The following CGGBP1 variants were observed in gnomAD, a reference collection of about 807,000 sequenced individuals.
CGGBP1 encodes the protein CGG triplet repeat-binding protein 1.
Under a neutral mutation model 11.4 loss-of-function variants are expected in CGGBP1, and 4 were observed. That is an observed-to-expected ratio of 0.35 (90% CI 0.17 to 0.80). The LOEUF is 0.80. CGGBP1 is among the 30% of genes least tolerant of loss of function. CGGBP1 has a pLI of 0.52. For missense variants in CGGBP1, 135 were observed against 202.1 expected, an observed-to-expected ratio of 0.67 and a Z score of 2.01; for synonymous variants, 76 against 74.1, an observed-to-expected ratio of 1.03 and a Z score of -0.13.
chr3:88,057,321 A>C (rs1279685223), intron 2 of CGGBP1, 29 bp from the exon 3 acceptor site: 1 of 140,038 alleles, frequency 7.1e-6, no homozygotes, highest in Admixed American at 7.8e-5. Context: ...TCTAGGTTTT[A>C]ATAAATTTTA....
At chr3:88,073,994 T>C (rs1024531244) in intron 2 of CGGBP1, among the ~76,000 whole-genome samples, 2 of 152,216 alleles carry the variant, frequency 1.3e-5, no homozygotes, top group African/African-American at 4.8e-5. Context: ...GATAGTGTTT[T>C]AGTTTAAAAT....
At chr3:88,111,122 G>A (rs2107759075) in intron 2 of CGGBP1, among the ~76,000 whole-genome samples, 1 of 152,138 alleles carries the variant, frequency 6.6e-6, no homozygotes, top group African/African-American at 2.4e-5. Flanking sequence ...AATGTCAAGA[G>A]TGGAGGTCCA....
intron 2 of CGGBP1, among the ~76,000 whole-genome samples, chr3:88,124,885 C>T (rs7625641): frequency 0.94 from 143,009 of 152,004 alleles, 67,792 homozygotes; most frequent in Non-Finnish European, 1. Context: ...GTTAATCTTT[C>T]TAAATTGTCA....
chr3:88,129,345 A>C (rs1363027914), intron 2 of CGGBP1, among the ~76,000 whole-genome samples: 1 of 149,902 alleles, frequency 6.7e-6, no homozygotes, highest in Non-Finnish European at 1.5e-5. Flanking sequence ...AAAAAAAAAA[A>C]CCCAAGAAGC....
chr3:88,108,683 A>G (rs1382719125), intron 2 of CGGBP1, among the ~76,000 whole-genome samples: 1 of 152,152 alleles, frequency 6.6e-6, no homozygotes, highest in Non-Finnish European at 1.5e-5. Context: ...ATCAACTATC[A>G]TGAGTATCAC....
intron 2 of CGGBP1, among the ~76,000 whole-genome samples, chr3:88,082,371 C>G (rs879255910): frequency 6.6e-6 from 1 of 152,164 alleles, no homozygotes; most frequent in Non-Finnish European, 1.5e-5. Context: ...GTGATCTGCC[C>G]GCCTTGGCCT....
chr3:88,113,561 T>A (rs562435149), intron 2 of CGGBP1, among the ~76,000 whole-genome samples: 1 of 152,254 alleles, frequency 6.6e-6, no homozygotes, highest in East Asian at 1.9e-4. Context: ...TTCTCTCTCA[T>A]AATAGCTTTC....
chr3:88,057,165 C>T (rs1237633512), intron 3 of CGGBP1, 26 bp downstream of exon 3: 2 of 152,052 alleles, frequency 1.3e-5, no homozygotes, highest in Admixed American at 6.5e-5. Context: ...TAATCAGAAA[C>T]GATGGAGTAT....
chr3:88,087,292 G>A (rs1203194995), intron 2 of CGGBP1, among the ~76,000 whole-genome samples: 6 of 151,966 alleles, frequency 3.9e-5, no homozygotes, highest in Non-Finnish European at 8.8e-5. Context: ...TGGCCAGGCT[G>A]GTCTTGAACT....
intron 2 of CGGBP1, among the ~76,000 whole-genome samples, chr3:88,065,481 C>T (rs985027371): frequency 2.7e-4 from 41 of 152,102 alleles, no homozygotes; most frequent in African/African-American, 9.6e-4. Context: ...TTTATTCATA[C>T]GAGAAACTGT....
intron 2 of CGGBP1, among the ~76,000 whole-genome samples, chr3:88,117,369 A>G (rs1705474133): frequency 6.6e-6 from 1 of 152,312 alleles, no homozygotes; most frequent in South Asian, 2.1e-4. Context: ...AAAATTCTCT[A>G]TAGTAACAAA....
intron 2 of CGGBP1, among the ~76,000 whole-genome samples, chr3:88,070,471 G>T (rs1707440954): frequency 6.8e-6 from 1 of 147,802 alleles, no homozygotes; most frequent in Non-Finnish European, 1.5e-5. Flanking sequence ...TTCAAAACTT[G>T]CCAAACAAAT....
chr3:88,077,263 GTGC>G lies in CGGBP1; in HGVS notation c.-228-19043_-228-19041del, dbSNP rs1576216740. ...TGTTTCACTCACCAATATAGGCAGT[GTGC>G]TTTCCATTTCTTTGCCCTGGCTTAT... On this transcript the variant is annotated intron_variant, in intron 2 of 3. Coordinates refer to the CGGBP1 transcript ENST00000462901. Among the ~76,000 whole-genome samples the G allele has an allele frequency of 2.6e-5, 4 of 151,810 alleles. No homozygotes were observed. In the South Asian group the frequency reaches 8.3e-4, roughly 31 times the overall value.
chr3:88,140,964 A>T (rs1707091893), intron 2 of CGGBP1: 2 of 1,613,356 alleles, frequency 1.2e-6, no homozygotes, highest in Non-Finnish European at 1.7e-6. Flanking sequence ...ATGCCTGACC[A>T]CCTACTGTAA....
chr3:88,129,066 CCA>C, intron 2 of CGGBP1: 1 of 1,250,096 alleles, frequency 8.0e-7, no homozygotes, highest in Non-Finnish European at 1.1e-6. Flanking sequence ...CAAAAAAAAA[CCA>C]AAAAAAAAAA....
In CGGBP1 at chr3:88,088,765, G is replaced by T. The variant is rs541485663; in HGVS notation, c.-228-30542C>A. ...TTATTTATGTATGTATGTATGTATG[G>T]ATGGATGGATGGATGGATGGATGGA... On this transcript the variant is annotated intron_variant, in intron 2 of 3. Coordinates refer to the CGGBP1 transcript ENST00000462901. 6.1e-3 allele frequency among the ~76,000 whole-genome samples: 917 copies of T among 149,560 alleles called. 7 individuals carry two copies. The highest frequency in any genetic ancestry group is 0.02 in the African/African-American group (817 of 40,424).
intron 2 of CGGBP1, among the ~76,000 whole-genome samples, chr3:88,071,172 G>C (rs1229823146): frequency 6.6e-6 from 1 of 152,114 alleles, no homozygotes; most frequent in Non-Finnish European, 1.5e-5. Context: ...CCCAATTCTT[G>C]ATTTTATTTA....
intron 2 of CGGBP1, among the ~76,000 whole-genome samples, chr3:88,079,659 G>A (rs116836836): frequency 0.018 from 2,779 of 151,994 alleles, 40 homozygotes; most frequent in Non-Finnish European, 0.03. Flanking sequence ...TGGTAGGTTG[G>A]ACTAGATAAT....
chr3:88,056,097 C>CA, intron 3 of CGGBP1, 98 bp from the exon 4 acceptor site: 2 of 892,462 alleles, frequency 2.2e-6, no homozygotes, highest in Non-Finnish European at 3.3e-6. Context: ...TCAAATACTT[C>CA]AAAAAACTTA....
Sources: gnomAD v4.1 joint callset for allele counts (sites outside exome capture counted in the v4.1 genomes callset) on GRCh38, gnomAD v4.1.1 for gene constraint, MANE v1.5 for transcripts, NCBI Gene and HGNC (gene_info 2026-07-23, HGNC 2026-07-21) for gene names.